The following SEZ6L variants were observed in gnomAD, a reference collection of about 807,000 sequenced individuals.
SEZ6L encodes the protein seizure related 6 homolog like.
In SEZ6L, 37 loss-of-function variants were observed where a neutral mutation model predicts 106.2. That is an observed-to-expected ratio of 0.35 (90% CI 0.27 to 0.46). The LOEUF (loss-of-function observed/expected upper bound fraction) is 0.46. Among genes scored for constraint, SEZ6L ranks in the 20% least tolerant of loss-of-function variants. The pLI is 1.00. For synonymous variants in SEZ6L, 541 were observed against 570.4 expected (o/e 0.95, Z 0.73); for missense variants, 1,172 against 1,332.8 (o/e 0.88, Z 1.88).
intron 15 of SEZ6L, 150 bp from the exon 16 acceptor site, chr22:26,377,523 T>C: frequency 1.5e-6 from 1 of 645,824 alleles, no homozygotes; most frequent in Non-Finnish European, 2.8e-6. Flanking sequence ...TCACTAGGAT[T>C]CTCGCCTGCA....
intron 1 of SEZ6L, among the ~76,000 whole-genome samples, chr22:26,253,622 G>T (rs1469523018): frequency 6.6e-6 from 1 of 152,056 alleles, no homozygotes. Context: ...ATTATTATTT[G>T]GTTCTTTATC....
intron 12 of SEZ6L, chr22:26,365,106 C>T (rs570291927): frequency 1.9e-5 from 6 of 322,250 alleles, no homozygotes; most frequent in South Asian, 1.0e-4. Context: ...CACTTGCTGG[C>T]GATCACACAG....
intron 1 of SEZ6L, among the ~76,000 whole-genome samples, chr22:26,181,433 T>C (rs956448122): frequency 2.2e-4 from 33 of 152,190 alleles, no homozygotes; most frequent in African/African-American, 7.5e-4. Flanking sequence ...TCAAGCCTAG[T>C]TTTCCAGGGC....
chr22:26,172,423 C>G (rs764027692), intron 1 of SEZ6L, among the ~76,000 whole-genome samples: 1 of 152,200 alleles, frequency 6.6e-6, no homozygotes, highest in Non-Finnish European at 1.5e-5. Context: ...CCTTCCCCTT[C>G]CAGGGCAAAA....
chr22:26,320,013 T>C (rs1027635065), intron 9 of SEZ6L, among the ~76,000 whole-genome samples: 1 of 152,192 alleles, frequency 6.6e-6, no homozygotes, highest in Middle Eastern at 3.2e-3. Flanking sequence ...TTTTAGTAAG[T>C]ACAGGTTTAT....
At chr22:26,278,986 G>GAGGGACGAAGGGAGGGAGGGAGGGAGGC (rs2080658910) in intron 1 of SEZ6L, among the ~76,000 whole-genome samples, 1 of 43,866 alleles carries the variant, frequency 2.3e-5, no homozygotes, top group Admixed American at 1.6e-4. Flanking sequence ...GGGAGGGAGG[G>GAGGGACGAAGGGAGGGAGGGAGGGAGGC]AGGAAGGAAG....
At chr22:26,241,561 T>C (rs2079133464) in intron 1 of SEZ6L, 2 of 152,188 alleles carry the variant, frequency 1.3e-5, no homozygotes, top group African/African-American at 4.8e-5. Flanking sequence ...GTTCAATACA[T>C]AGCAATTACA....
chr22:26,221,568 T>A (rs1484681455), intron 1 of SEZ6L, among the ~76,000 whole-genome samples: 1 of 152,228 alleles, frequency 6.6e-6, no homozygotes, highest in African/African-American at 2.4e-5. Context: ...AGGAGCTTCA[T>A]GTGAATCCCG....
chr22:26,194,403 A>G (rs1248191503), intron 1 of SEZ6L, among the ~76,000 whole-genome samples: 1 of 152,190 alleles, frequency 6.6e-6, no homozygotes, highest in East Asian at 1.9e-4. Flanking sequence ...GGCATCCTGA[A>G]GTTAAGAAGA....
rs117960107 is a variant in SEZ6L at position 26,188,936 on chromosome 22, T to C, written c.94+19173T>C. Among the ~76,000 whole-genome samples, 1,170 of 152,372 alleles carry C rather than the reference T, an allele frequency of 7.7e-3. 72 individuals carry two copies. The East Asian group carries it at 0.14, about 18-fold the overall frequency. ...GTATTAACAATAGTATAATTTCTAC[T>C]GCTCTAGCATTAATACATGTAATTC... On this transcript the variant is annotated intron_variant, in intron 1 of 16. Transcript: ENST00000248933.
intron 1 of SEZ6L, among the ~76,000 whole-genome samples, chr22:26,249,474 C>T (rs1276707680): frequency 6.6e-6 from 1 of 152,148 alleles, no homozygotes; most frequent in Admixed American, 6.6e-5. Context: ...CAAGCTTATC[C>T]TTGTTACCTC....
chr22:26,234,324 G>C (rs556798786), intron 1 of SEZ6L, among the ~76,000 whole-genome samples: 2 of 152,302 alleles, frequency 1.3e-5, no homozygotes, highest in African/African-American at 4.8e-5. Context: ...CTGGACCTTG[G>C]GGGAAGGAAA....
chr22:26,285,773 T>C (rs532116469), intron 1 of SEZ6L, among the ~76,000 whole-genome samples: 1 of 152,348 alleles, frequency 6.6e-6, no homozygotes, highest in South Asian at 2.1e-4. Context: ...CCTTCAACTA[T>C]CCAGATGTTC....
intron 12 of SEZ6L, among the ~76,000 whole-genome samples, chr22:26,360,648 A>C (rs2083585656): frequency 6.6e-6 from 1 of 152,190 alleles, no homozygotes; most frequent in Non-Finnish European, 1.5e-5. Flanking sequence ...GAAGGGAGCC[A>C]CCAACGTCAT....
intron 14 of SEZ6L, 120 bp downstream of exon 14, chr22:26,373,603 A>T: frequency 2.6e-6 from 2 of 774,572 alleles, no homozygotes; most frequent in Non-Finnish European, 4.1e-6. Context: ...CTACCTTCAG[A>T]CTGCCAAAGA....
chr22:26,361,109 G>A (rs1349318146), intron 12 of SEZ6L, among the ~76,000 whole-genome samples: 1 of 152,102 alleles, frequency 6.6e-6, no homozygotes, highest in African/African-American at 2.4e-5. Flanking sequence ...ACTGACATGT[G>A]AAACCTCTGA....
intron 6 of SEZ6L, among the ~76,000 whole-genome samples, chr22:26,307,572 C>T (rs748843797): frequency 6.6e-6 from 1 of 152,002 alleles, no homozygotes; most frequent in African/African-American, 2.4e-5. Flanking sequence ...AACTCTATAT[C>T]GATAAATTGC....
Position 26,169,654 on chromosome 22 carries a change from G to A in SEZ6L, c.-16G>A. Reference sequence around the variant, plus strand: ...CCCGCCCCACAGCCAGCGGCTCCGCGCCCCCTGCAGCCACGATGCCCGCGG... The same window carrying A: ...CCCGCCCCACAGCCAGCGGCTCCGCACCCCCTGCAGCCACGATGCCCGCGG... On this transcript the variant is annotated 5_prime_UTR_variant, in exon 1 of 17. Transcript: ENST00000248933. The A allele has an allele frequency of 8.8e-7, 1 of 1,130,782 alleles. No individual in the cohort carries two copies. Among genetic ancestry groups the A allele is most frequent in the South Asian group, 2.1e-5 (1 of 47,044 alleles). 70.0% of individuals were successfully genotyped at this position (1,130,782 alleles called of 1,614,324 possible).
chr22:26,331,853 C>G (rs573466866), intron 9 of SEZ6L, among the ~76,000 whole-genome samples: 1 of 152,108 alleles, frequency 6.6e-6, no homozygotes, highest in South Asian at 2.1e-4. Flanking sequence ...CATGGTGGCA[C>G]GTGCCTGTAA....
Sources: gnomAD v4.1 joint callset for allele counts (sites outside exome capture counted in the v4.1 genomes callset) on GRCh38, gnomAD v4.1.1 for gene constraint, MANE v1.5 for transcripts, NCBI Gene and HGNC (gene_info 2026-07-23, HGNC 2026-07-21) for gene names.